Variants in LRMDA observed in about 807,000 individuals in gnomAD.
The protein encoded by LRMDA is leucine-rich melanocyte differentiation-associated protein.
Under a neutral mutation model 29.8 loss-of-function variants are expected in LRMDA, and 18 were observed. The ratio of observed to expected loss-of-function variants is 0.60; its 90% CI spans 0.42 to 0.90. LRMDA has a LOEUF of 0.90. Ranked by LOEUF, LRMDA falls within the 40% of genes least tolerant of loss-of-function variation. LRMDA has a pLI of 0.00. For missense variants in LRMDA, 273 were observed against 273.9 expected (o/e 1.00, Z 0.02); for synonymous variants, 125 against 109.4 (o/e 1.14, Z -0.89).
intron 2 of LRMDA, among the ~76,000 whole-genome samples, chr10:75,756,438 T>C (rs137991623): frequency 3.5e-4 from 54 of 152,336 alleles, no homozygotes; most frequent in African/African-American, 1.3e-3. Context: ...AGAAGGACCC[T>C]GATGACCTCC....
At chr10:76,445,037 G>A (rs1332010619) in intron 6 of LRMDA, among the ~76,000 whole-genome samples, 1 of 152,058 alleles carries the variant, frequency 6.6e-6, no homozygotes, top group Non-Finnish European at 1.5e-5. Flanking sequence ...GAAGGACAAA[G>A]CGCGGTGCAA....
intron 5 of LRMDA, among the ~76,000 whole-genome samples, chr10:76,244,996 T>G (rs1482582661): frequency 6.6e-6 from 1 of 152,168 alleles, no homozygotes; most frequent in African/African-American, 2.4e-5. Context: ...GGCTTCAACT[T>G]CACAGTGAGG....
chr10:76,112,173 C>A (rs1179072674), intron 5 of LRMDA, among the ~76,000 whole-genome samples: 1 of 152,106 alleles, frequency 6.6e-6, no homozygotes, highest in African/African-American at 2.4e-5. Flanking sequence ...GGCGGGAGGG[C>A]GGACGGGGAC....
intron 3 of LRMDA, among the ~76,000 whole-genome samples, chr10:76,041,424 C>T (rs544089641): frequency 1.5e-4 from 23 of 152,232 alleles, no homozygotes; most frequent in Non-Finnish European, 1.9e-4. Flanking sequence ...ACCGTTAACC[C>T]GTTTCCTTAA....
chr10:76,163,020 G>C (rs1850675394), intron 5 of LRMDA, among the ~76,000 whole-genome samples: 1 of 152,148 alleles, frequency 6.6e-6, no homozygotes, highest in South Asian at 2.1e-4. Context: ...ACAAATCACA[G>C]ATCCTTGGTT....
chr10:76,085,422 G>A (rs180719065), intron 5 of LRMDA, among the ~76,000 whole-genome samples: 27 of 152,288 alleles, frequency 1.8e-4, no homozygotes, highest in African/African-American at 6.0e-4. Context: ...GCAATCTTGC[G>A]CTGTATTTTC....
chr10:76,454,522 T>G (rs1213236135), intron 6 of LRMDA, among the ~76,000 whole-genome samples: 1 of 152,138 alleles, frequency 6.6e-6, no homozygotes, highest in Non-Finnish European at 1.5e-5. Flanking sequence ...AAAACCCACA[T>G]GTTCCTTTAA....
chr10:75,586,280 A>T (rs1015719968), intron 2 of LRMDA, among the ~76,000 whole-genome samples: 5 of 148,812 alleles, frequency 3.4e-5, no homozygotes, highest in Admixed American at 6.8e-5. Flanking sequence ...TAGAAGCTAT[A>T]CAGTTTTGCA....
chr10:75,937,014 C>A (rs1174012461), intron 2 of LRMDA, among the ~76,000 whole-genome samples: 1 of 152,074 alleles, frequency 6.6e-6, no homozygotes, highest in Non-Finnish European at 1.5e-5. Flanking sequence ...TAAAATCATC[C>A]TTCTGTTTAC....
intron 6 of LRMDA, among the ~76,000 whole-genome samples, chr10:76,549,005 C>T (rs1371259099): frequency 6.6e-6 from 1 of 152,190 alleles, no homozygotes; most frequent in Non-Finnish European, 1.5e-5. Flanking sequence ...AGTAATTTCT[C>T]AGACTTGGAC....
chr10:76,144,721 A>C (rs1164902253), intron 5 of LRMDA, among the ~76,000 whole-genome samples: 1 of 152,144 alleles, frequency 6.6e-6, no homozygotes. Flanking sequence ...CAGAACTTCC[A>C]ACACTATGTT....
At chr10:75,748,688 G>A (rs1262559295) in intron 2 of LRMDA, among the ~76,000 whole-genome samples, 1 of 152,082 alleles carries the variant, frequency 6.6e-6, no homozygotes. Context: ...GCTGGGAGGT[G>A]CATCCCATTC....
intron 6 of LRMDA, among the ~76,000 whole-genome samples, chr10:76,477,491 G>A (rs1386967627): frequency 5.9e-5 from 9 of 151,958 alleles, no homozygotes; most frequent in South Asian, 2.1e-4. Context: ...GTAATTTATA[G>A]ATTCAATGCC....
chr10:76,052,028 T>G (rs961247991), intron 4 of LRMDA, among the ~76,000 whole-genome samples: 14 of 152,220 alleles, frequency 9.2e-5, no homozygotes, highest in Admixed American at 7.9e-4. Context: ...TAATGTAATC[T>G]AGTCAACAGT....
chr10:75,687,843 C>T (rs1842101241), intron 2 of LRMDA, among the ~76,000 whole-genome samples: 1 of 152,158 alleles, frequency 6.6e-6, no homozygotes. Flanking sequence ...ATTTACCATT[C>T]TCAAAATCTT....
intron 6 of LRMDA, among the ~76,000 whole-genome samples, chr10:76,541,212 AG>A (rs1244238419): frequency 5.3e-5 from 8 of 152,216 alleles, no homozygotes; most frequent in Non-Finnish European, 1.2e-4. Flanking sequence ...CTAATAGAGA[AG>A]GGTGAAGCCG....
chr10:76,121,377 T>A (rs1420892903), intron 5 of LRMDA, among the ~76,000 whole-genome samples: 2 of 152,168 alleles, frequency 1.3e-5, no homozygotes, highest in Non-Finnish European at 2.9e-5. Flanking sequence ...GAGGCACCAT[T>A]ATGAGAAGCT....
intron 5 of LRMDA, among the ~76,000 whole-genome samples, chr10:76,191,805 A>C (rs1183207635): frequency 6.6e-6 from 1 of 152,182 alleles, no homozygotes; most frequent in Non-Finnish European, 1.5e-5. Flanking sequence ...TTTATAAGTG[A>C]TGTATCCAAC....
intron 6 of LRMDA, among the ~76,000 whole-genome samples, chr10:76,475,312 G>C (rs139890284): frequency 2.8e-4 from 43 of 151,690 alleles, no homozygotes; most frequent in Admixed American, 2.6e-3. Context: ...ATATTTTAAC[G>C]TAGTAAATTT....
Sources: allele counts gnomAD v4.1 joint callset (sites outside exome capture counted in the v4.1 genomes callset), GRCh38; gene constraint gnomAD v4.1.1; transcripts MANE v1.5; gene names NCBI Gene and HGNC (gene_info 2026-07-23, HGNC 2026-07-21).